CLIP3: variants seen among roughly 807,000 people sequenced by gnomAD.
CLIP3 encodes the protein CAP-Gly domain-containing linker protein 3.
A neutral mutation model predicts 59.4 loss-of-function variants in CLIP3; 15 were observed. The observed-to-expected ratio is 0.25, with a 90% CI of 0.17 to 0.39. The LOEUF (loss-of-function observed/expected upper bound fraction) is 0.39, where lower values mean the gene tolerates loss of function less well. Among genes scored for constraint, CLIP3 ranks in the 10% least tolerant of loss-of-function variants. CLIP3 has a pLI of 1.00. For synonymous variants in CLIP3, 300 were observed against 321.6 expected (o/e 0.93, Z 0.72); for missense variants, 495 against 765.7 (o/e 0.65, Z 4.17).
Position 36,024,438 on chromosome 19 carries a change from C to T in CLIP3, c.876G>A (p.Leu292=). Residue 292 remains leucine (L), a synonymous_variant, in exon 7 of 14, where the codon CTG becomes CTA. Transcript: ENST00000360535. ...GCACGCGGTCTCCCAGGCGCAAGCCCAGTGCGCTAAGCATGAGATTGCCTG... is the reference window on the plus strand; with the variant it reads ...GCACGCGGTCTCCCAGGCGCAAGCCTAGTGCGCTAAGCATGAGATTGCCTG... The part of the protein sequence containing the change: ...NVPGNLMLSA[L]GLRLGDRVLL... 2 of 1,614,218 alleles carry T rather than the reference C, an allele frequency of 1.2e-6. No individual in the cohort carries two copies. The highest frequency in any genetic ancestry group is 1.1e-5 in the South Asian group (1 of 91,086).
chr19:36,024,373 A>G, intron 7 of CLIP3, 23 bp downstream of exon 7: 1 of 1,584,348 alleles, frequency 6.3e-7, no homozygotes, highest in Non-Finnish European at 8.7e-7. Context: ...CCCACCATGC[A>G]AACACACATC....
At position 36,024,440 on chromosome 19, in the gene CLIP3, G is replaced by T. The variant is rs946916171; in HGVS notation, c.874C>A (p.Leu292Met). 43 of 1,613,864 alleles carry T rather than the reference G, an allele frequency of 2.7e-5. No individual in the cohort carries two copies. Among genetic ancestry groups the T allele is most frequent in the Non-Finnish European group, 3.5e-5 (41 of 1,179,940 alleles). Residue 292 changes from leucine (L) to methionine (M), a missense_variant, in exon 7 of 14, where the codon CTG (leucine) becomes ATG (methionine). By Grantham distance (15) the Leu-to-Met change is conservative (BLOSUM62 2). Around this residue, in one of 5 missense-constraint regions of CLIP3, gnomAD observed 194 missense variants for 327.8 expected, o/e 0.59. Transcript: ENST00000360535. Reference protein sequence around the residue: ...NVPGNLMLSALGLRLGDRVLL... With the variant: ...NVPGNLMLSAMGLRLGDRVLL... ...ACGCGGTCTCCCAGGCGCAAGCCCA[G>T]TGCGCTAAGCATGAGATTGCCTGGG...
rs1568543254 is a variant in CLIP3 at position 36,026,167 on chromosome 19, C to G, written c.661G>C (p.Gly221Arg). The change falls in exon 6 of 14, where the codon GGC (glycine) becomes CGC (arginine). Residue 221 changes from glycine to arginine, a missense_variant. Physicochemically the swap from Gly to Arg is moderately radical, Grantham distance 125 (BLOSUM62 -2). Coordinates refer to ENST00000360535, the MANE Select transcript of CLIP3 (RefSeq NM_015526.3). This position sits in a 1 kb window ranked among gnomAD's most constrained non-coding sequence, Gnocchi z 6.3. Reference protein sequence around the residue: ...LGAAKCLLEHGANPALRNRKG... With the variant: ...LGAAKCLLEHRANPALRNRKG... ...AGTACCCTCAGCGCAGGGTTGGCGC[C>G]GTGCTCCAGCAAACATTTGGCGGCG... 6.2e-7 allele frequency: 1 copy of G among 1,613,568 alleles called. No homozygotes were observed. Among genetic ancestry groups the G allele is most frequent in the South Asian group, 1.1e-5 (1 of 91,042 alleles).
At position 36,017,412 on chromosome 19, in the gene CLIP3, C is replaced by A; in HGVS notation, c.1490G>T (p.Gly497Val). 1 of 1,614,120 alleles carries A rather than the reference C, an allele frequency of 6.2e-7. No homozygotes were observed. The highest frequency in any genetic ancestry group is 8.5e-7 in the Non-Finnish European group (1 of 1,180,008). Reference sequence around the variant, plus strand: ...TGTCACTTGATGCACTTTTTTGGCTCCAACGCTGTCCCCGGGGGAATCAGT... The same window carrying A: ...TGTCACTTGATGCACTTTTTTGGCTACAACGCTGTCCCCGGGGGAATCAGT... Reference protein sequence around the residue: ...GSTDSPGDSVGAKKVHQVTMT... With the variant: ...GSTDSPGDSVVAKKVHQVTMT... Residue 497 changes from glycine to valine, a missense_variant, in exon 12 of 14, where the codon GGA (glycine) becomes GTA (valine). This residue lies in a region of CLIP3 where 179 missense variants were observed against 226.2 expected (regional missense o/e 0.79). Coordinates refer to ENST00000360535, the MANE Select transcript of CLIP3 (RefSeq NM_015526.3).
intron 9 of CLIP3, among the ~76,000 whole-genome samples, chr19:36,018,196 A>G (rs1336329220): frequency 1.3e-5 from 2 of 152,226 alleles, no homozygotes; most frequent in Non-Finnish European, 2.9e-5. Context: ...TCCTTTCTCA[A>G]AGCTGAGGAT....
intron 2 of CLIP3, among the ~76,000 whole-genome samples, chr19:36,030,148 C>T (rs1257723858): frequency 1.3e-5 from 2 of 152,088 alleles, no homozygotes; most frequent in Non-Finnish European, 2.9e-5. Flanking sequence ...ATCGAATTCT[C>T]AGGCTCAAGT....
rs1470858016 is a variant in CLIP3, at chr19:36,026,193, C to T, written c.635G>A (p.Gly212Asp). The T allele has an allele frequency of 2.5e-6, 4 of 1,613,872 alleles. No individual in the cohort carries two copies. The highest frequency in any genetic ancestry group is 3.3e-5 in the Admixed American group (2 of 60,020). ...LHIAASSLCLGAAKCLLEHGA... is the reference protein window; with the variant it reads ...LHIAASSLCLDAAKCLLEHGA... ...GTGCTCCAGCAAACATTTGGCGGCG[C>T]CCAGGCACAGGCTGGAAGCAGCGAT... The change falls in exon 6 of 14, where the codon GGC becomes GAC. Residue 212 changes from glycine to aspartate, a missense_variant. This residue lies in a region of CLIP3 where 194 missense variants were observed against 327.8 expected (regional missense o/e 0.59). Transcript: ENST00000360535. The surrounding 1 kb of genome is among the most constrained non-coding windows in gnomAD (Gnocchi z 6.3).
At chr19:36,023,398 C>T (rs1324561363) in intron 7 of CLIP3, among the ~76,000 whole-genome samples, 1 of 152,150 alleles carries the variant, frequency 6.6e-6, no homozygotes, top group Admixed American at 6.6e-5. Flanking sequence ...CCTCTGCTTC[C>T]TTATCTTTGC....
chr19:36,026,534 G>T lies in CLIP3; in HGVS notation c.562+52C>A. On this transcript the variant is annotated intron_variant, in intron 5 of 13. Coordinates refer to ENST00000360535, the MANE Select transcript of CLIP3 (RefSeq NM_015526.3). The surrounding 1 kb of genome is among the most constrained non-coding windows in gnomAD (Gnocchi z 6.3). ...GCAGCCTGGCCTCACCTGGGTCTCC[G>T]CGTCCCTCACCCAGGTCCTTGCCCC... The T allele has an allele frequency of 6.2e-7, 1 of 1,603,278 alleles. No individual in the cohort carries two copies.
At chr19:36,027,789 C>T (rs1318006477) in intron 2 of CLIP3, among the ~76,000 whole-genome samples, 5 of 152,284 alleles carry the variant, frequency 3.3e-5, no homozygotes, top group African/African-American at 9.6e-5. Context: ...AATCCCAATG[C>T]GTTGGGAGGC....
chr19:36,025,960 G>T (rs188356827), intron 6 of CLIP3, among the ~76,000 whole-genome samples, 187 bp downstream of exon 6: 18 of 152,316 alleles, frequency 1.2e-4, no homozygotes, highest in East Asian at 3.9e-4. Flanking sequence ...GTAAAACAAG[G>T]CTTATAATAG....
Position 36,026,947 on chromosome 19 carries a change from C to G in CLIP3, c.400+5G>C. 1 of 1,535,160 alleles carries G rather than the reference C, an allele frequency of 6.5e-7. No individual in the cohort carries two copies. Among genetic ancestry groups the G allele is most frequent in the Non-Finnish European group, 8.7e-7 (1 of 1,143,564 alleles). ...GCTTATGACTTGGGGGTAGGGGGCC[C>G]TCACCGACTCCGTGGGCCCCAGCTT... On this transcript the variant is annotated splice_donor_5th_base_variant and intron_variant, in intron 4 of 13. Transcript: ENST00000360535. The surrounding 1 kb of genome is among the most constrained non-coding windows in gnomAD (Gnocchi z 6.3).
chr19:36,029,234 C>T (rs1281732117), intron 2 of CLIP3, among the ~76,000 whole-genome samples: 11 of 147,904 alleles, frequency 7.4e-5, no homozygotes, highest in African/African-American at 2.0e-4. Flanking sequence ...GCAGGAGAAT[C>T]GCTTGAACTC....
intron 2 of CLIP3, among the ~76,000 whole-genome samples, chr19:36,029,891 C>A (rs1001987694): frequency 1.3e-5 from 2 of 152,100 alleles, no homozygotes; most frequent in African/African-American, 4.8e-5. Flanking sequence ...TGGGACAAAA[C>A]CTCTCCCGCT....
chr19:36,018,082 C>A (rs576915632), intron 9 of CLIP3, 91 bp from the exon 10 acceptor site: 1 of 1,441,426 alleles, frequency 6.9e-7, no homozygotes, highest in Non-Finnish European at 9.5e-7. Context: ...GTAGAAAACC[C>A]TGTTCTTCGT....
chr19:36,017,185 C>T (rs1968819731), intron 12 of CLIP3, among the ~76,000 whole-genome samples: 1 of 152,182 alleles, frequency 6.6e-6, no homozygotes, highest in Non-Finnish European at 1.5e-5. Flanking sequence ...TGCTCAACCT[C>T]ATGTCCCCGA....
chr19:36,025,989 T>C (rs1418127310), intron 6 of CLIP3, among the ~76,000 whole-genome samples, 158 bp downstream of exon 6: 1 of 152,228 alleles, frequency 6.6e-6, no homozygotes, highest in Admixed American at 6.5e-5. Flanking sequence ...TGACATGTAA[T>C]GAACACTAGG....
rs1045098459 is a variant in CLIP3, at chr19:36,026,493, C to T, written c.562+93G>A. The stretch of plus-strand genomic sequence containing the variant: ...ACCTCCCGCTATCTCCTCAGATCAC[C>T]GTCCTCCTTCCCCTCGCAGCCTGGC... On this transcript the variant is annotated intron_variant, in intron 5 of 13. Coordinates refer to ENST00000360535, the MANE Select transcript of CLIP3 (RefSeq NM_015526.3). The surrounding 1 kb of genome is among the most constrained non-coding windows in gnomAD (Gnocchi z 6.3). 9.8e-6 allele frequency: 15 copies of T among 1,533,202 alleles called. No individual in the cohort carries two copies. The highest frequency in any genetic ancestry group is 1.2e-5 in the Non-Finnish European group (14 of 1,125,858). 95.0% of individuals were successfully genotyped at this position (1,533,202 alleles called of 1,614,324 possible). A position where few individuals can be genotyped will look rare whatever the true frequency, so the allele number is the denominator to read the frequency against.
Position 36,032,694 on chromosome 19 carries a change from TCTC to T in CLIP3, c.-59+27_-59+29del, listed in dbSNP as rs1969299084. On this transcript the variant is annotated intron_variant, in intron 1 of 13. Transcript: ENST00000360535. This position sits in a 1 kb window ranked among gnomAD's most constrained non-coding sequence, Gnocchi z 4.3. The stretch of plus-strand genomic sequence containing the variant: ...ATTCAGGATGCTTCGCCCCTCCCCT[TCTC>T]CGCGGGCCGCCCCCTCCCCATCTTA... The T allele has an allele frequency of 5.1e-6, 1 of 196,250 alleles. No individual in the cohort carries two copies. Among genetic ancestry groups the T allele is most frequent in the Admixed American group, 6.1e-5 (1 of 16,440 alleles). The allele number at this position is 196,250 out of a possible 1,614,324, so 12.2% of individuals were successfully genotyped here.
Sources: gnomAD v4.1 joint callset for allele counts (sites outside exome capture counted in the v4.1 genomes callset) on GRCh38, gnomAD v4.1.1 for gene constraint, gnomAD v4.1.1 regional missense constraint, Gnocchi (gnomAD v3.1) non-coding constraint, MANE v1.5 for transcripts, NCBI Gene and HGNC (gene_info 2026-07-23, HGNC 2026-07-21) for gene names.